MTUS2: variants seen among roughly 807,000 people sequenced by gnomAD.
MTUS2 encodes the protein microtubule-associated tumor suppressor candidate 2.
Under a neutral mutation model 114.1 loss-of-function variants are expected in MTUS2, and 40 were observed. That is an observed-to-expected ratio of 0.35 (90% CI 0.27 to 0.46). The LOEUF (loss-of-function observed/expected upper bound fraction) is 0.46, where lower values mean the gene tolerates loss of function less well. MTUS2 is among the 20% of genes least tolerant of loss of function. The pLI is 1.00. For synonymous variants in MTUS2, 688 were observed against 672.0 expected (o/e 1.02, Z -0.37); for missense variants, 1,679 against 1,705.4 (o/e 0.98, Z 0.27).
chr13:28,980,466 G>A (rs113359194), intron 2 of MTUS2, among the ~76,000 whole-genome samples: 1,878 of 152,220 alleles, frequency 0.012, 33 homozygotes, highest in African/African-American at 0.043. Context: ...GCAAATATAT[G>A]TTGTGCTTCT....
rs749944784 is a variant in MTUS2 at position 28,975,899 on chromosome 13, G to A, written c.-242-48558G>A. ...TGCAGGATTCCTTCCCTCTTGGAGCGTACAGTGGAGGAGATGAAAAATTCC... is the reference window on the plus strand; with the variant it reads ...TGCAGGATTCCTTCCCTCTTGGAGCATACAGTGGAGGAGATGAAAAATTCC... On this transcript the variant is annotated intron_variant, in intron 2 of 15. Transcript: ENST00000612955. 1.2e-3 allele frequency among the ~76,000 whole-genome samples: 181 copies of A among 152,096 alleles called. 1 individual carries two copies. Among genetic ancestry groups the A allele is most frequent in the Non-Finnish European group, 1.4e-3 (93 of 68,008 alleles).
At chr13:28,860,081 T>C (rs1039616086) in intron 2 of MTUS2, among the ~76,000 whole-genome samples, 9 of 152,202 alleles carry the variant, frequency 5.9e-5, no homozygotes, top group Non-Finnish European at 8.8e-5. Context: ...TAGAATTTGC[T>C]TAATTGCCAT....
At chr13:29,294,084 G>A (rs1898833577) in intron 6 of MTUS2, among the ~76,000 whole-genome samples, 1 of 151,886 alleles carries the variant, frequency 6.6e-6, no homozygotes, top group African/African-American at 2.4e-5. Context: ...TGAATAAAAA[G>A]GATAATAATT....
chr13:29,477,922 AAAG>A (rs934557713), intron 9 of MTUS2, among the ~76,000 whole-genome samples: 32 of 152,246 alleles, frequency 2.1e-4, no homozygotes, highest in African/African-American at 3.1e-4. Context: ...AATAATTTAA[AAAG>A]AAGAAATTTC....
chr13:29,192,728 T>A (rs1181184844), intron 5 of MTUS2, among the ~76,000 whole-genome samples: 2 of 152,178 alleles, frequency 1.3e-5, no homozygotes, highest in Non-Finnish European at 2.9e-5. Context: ...AAAAGAAATA[T>A]GTTTGTTAAA....
chr13:29,251,016 C>A (rs928314280), intron 5 of MTUS2, among the ~76,000 whole-genome samples: 1 of 152,158 alleles, frequency 6.6e-6, no homozygotes, highest in African/African-American at 2.4e-5. Flanking sequence ...GTCACTGATT[C>A]TCTTGCTCCA....
At chr13:29,474,843 C>T (rs926181713) in intron 9 of MTUS2, among the ~76,000 whole-genome samples, 1 of 152,082 alleles carries the variant, frequency 6.6e-6, no homozygotes, top group African/African-American at 2.4e-5. Flanking sequence ...ATTTTTTCAT[C>T]AATGTGAATA....
chr13:29,094,595 G>C (rs79649174), intron 4 of MTUS2, among the ~76,000 whole-genome samples: 2,725 of 151,910 alleles, frequency 0.018, 37 homozygotes, highest in Non-Finnish European at 0.029. Flanking sequence ...CTCAGCTAAA[G>C]GTTTGTCAAA....
intron 2 of MTUS2, among the ~76,000 whole-genome samples, chr13:28,922,050 G>T (rs773405660): frequency 2.6e-5 from 4 of 152,144 alleles, no homozygotes; most frequent in Non-Finnish European, 4.4e-5. Context: ...GAGGGGATTG[G>T]ATCATGGGAG....
At chr13:29,329,118 T>C (rs1412806501) in intron 7 of MTUS2, among the ~76,000 whole-genome samples, 5 of 152,180 alleles carry the variant, frequency 3.3e-5, no homozygotes, top group Admixed American at 2.0e-4. Flanking sequence ...ATTTCTATTA[T>C]AATATTTTAA....
intron 2 of MTUS2, among the ~76,000 whole-genome samples, chr13:28,934,053 C>T (rs1881762937): frequency 6.6e-6 from 1 of 152,188 alleles, no homozygotes; most frequent in African/African-American, 2.4e-5. Flanking sequence ...TATCAGATTA[C>T]ACTTCCCAGG....
At chr13:29,064,390 GTTTTTTTTTT>G (rs59916653) in intron 4 of MTUS2, among the ~76,000 whole-genome samples, 15 of 108,008 alleles carry the variant, frequency 1.4e-4, no homozygotes, top group East Asian at 1.3e-3. Flanking sequence ...ACGTTTGGAG[GTTTTTTTTTT>G]TTTTTTTTTT....
chr13:29,176,984 T>A (rs1893801422), intron 5 of MTUS2, among the ~76,000 whole-genome samples: 1 of 150,926 alleles, frequency 6.6e-6, no homozygotes, highest in Non-Finnish European at 1.5e-5. Flanking sequence ...TAGGGAGATT[T>A]TGAGGTTTCT....
chr13:28,990,413 T>A (rs918094349), intron 2 of MTUS2, among the ~76,000 whole-genome samples: 1 of 152,144 alleles, frequency 6.6e-6, no homozygotes, highest in Non-Finnish European at 1.5e-5. Context: ...AACTTTTCTG[T>A]CTAGCAGAAG....
intron 2 of MTUS2, among the ~76,000 whole-genome samples, chr13:28,847,212 G>A (rs183724003): frequency 2.7e-4 from 41 of 152,248 alleles, no homozygotes; most frequent in Non-Finnish European, 4.9e-4. Flanking sequence ...ATTCAAATAG[G>A]CATGAACAAT....
intron 5 of MTUS2, among the ~76,000 whole-genome samples, chr13:29,101,458 A>G (rs1890415398): frequency 1.3e-5 from 2 of 152,254 alleles, no homozygotes; most frequent in Non-Finnish European, 2.9e-5. Flanking sequence ...AGCTTCTTCA[A>G]GTCCATGCCC....
chr13:29,081,384 A>G (rs898387638), intron 4 of MTUS2, among the ~76,000 whole-genome samples: 15 of 152,028 alleles, frequency 9.9e-5, no homozygotes, highest in African/African-American at 3.4e-4. Context: ...AAAACATACT[A>G]TATATTATTT....
intron 7 of MTUS2, among the ~76,000 whole-genome samples, chr13:29,338,991 G>A (rs1301264259): frequency 6.6e-6 from 1 of 152,120 alleles, no homozygotes; most frequent in Non-Finnish European, 1.5e-5. Flanking sequence ...TGGGGACAGT[G>A]GCTCCTGTGG....
intron 5 of MTUS2, among the ~76,000 whole-genome samples, chr13:29,140,399 A>C (rs1892169001): frequency 6.6e-6 from 1 of 152,236 alleles, no homozygotes; most frequent in Admixed American, 6.5e-5. Context: ...GGCCAATGCA[A>C]GCATGACTTT....
Sources: gnomAD v4.1 joint callset for allele counts (sites outside exome capture counted in the v4.1 genomes callset) on GRCh38, gnomAD v4.1.1 for gene constraint, MANE v1.5 for transcripts, NCBI Gene and HGNC (gene_info 2026-07-23, HGNC 2026-07-21) for gene names.